The following POLA2 variants were observed in gnomAD, a reference collection of about 807,000 sequenced individuals.
POLA2 encodes the protein DNA polymerase alpha 2, accessory subunit, also known as DNA polymerase alpha subunit B.
POLA2 carries 47 observed loss-of-function variants against 82.8 expected under a neutral mutation model. The observed-to-expected ratio is 0.57, with a 90% CI of 0.45 to 0.72. The LOEUF is 0.72. Among genes scored for constraint, POLA2 ranks in the 30% least tolerant of loss-of-function variants. POLA2 has a pLI of 0.00. For missense variants in POLA2, 634 were observed against 728.1 expected (o/e 0.87, Z 1.49); for synonymous variants, 287 against 286.8 (o/e 1.00, Z -0.01).
Position 65,297,161 on chromosome 11 carries a change from C to T in POLA2, c.1689C>T (p.Thr563=), listed in dbSNP as rs200403723. The T allele has an allele frequency of 6.8e-6, 11 of 1,614,082 alleles. No homozygotes were observed. The highest frequency in any genetic ancestry group is 9.3e-6 in the Non-Finnish European group (11 of 1,180,000). The change falls in exon 18 of 18, where the codon ACC becomes ACT. Residue 563 remains threonine (T), a synonymous_variant. Transcript: ENST00000265465. ...GCVCVNPGRL[T]KGQVGGTFAR... ...TCTGTGTGAACCCTGGGCGCCTTAC[C>T]AAAGGGCAGGTGGGAGGCACCTTCG...
In POLA2 at chr11:65,275,070, T is replaced by C. The variant is rs567379254; in HGVS notation, c.355-822T>C. Among the ~76,000 whole-genome samples, 11 of 152,368 alleles carry C rather than the reference T, an allele frequency of 7.2e-5. No individual in the cohort carries two copies. The South Asian group carries it at 2.1e-3, about 29-fold the overall frequency. ...AGGGTAGTAGAATAAGGGATTTTTT[T>C]TTTAATCTATTTTCCATTGCAGCTG... On this transcript the variant is annotated intron_variant, in intron 4 of 17. Coordinates refer to ENST00000265465, the MANE Select transcript of POLA2 (RefSeq NM_002689.4).
At chr11:65,273,323 AAAC>A (rs553077637) in intron 4 of POLA2, among the ~76,000 whole-genome samples, 62 of 152,192 alleles carry the variant, frequency 4.1e-4, no homozygotes, top group Non-Finnish European at 7.1e-4. Flanking sequence ...CAAAAAACAA[AAAC>A]AACAACAACA....
At chr11:65,263,220 CTTTTTTTTTT>C (rs547474910) in intron 1 of POLA2, among the ~76,000 whole-genome samples, 1 of 123,198 alleles carries the variant, frequency 8.1e-6, no homozygotes, top group East Asian at 2.2e-4. Context: ...CTCTCTCTCT[CTTTTTTTTTT>C]TTTTTTTTTT....
At chr11:65,271,505 T>C (rs1466631394) in intron 4 of POLA2, among the ~76,000 whole-genome samples, 1 of 152,206 alleles carries the variant, frequency 6.6e-6, no homozygotes, top group African/African-American at 2.4e-5. Flanking sequence ...TGAAATCCCA[T>C]ATTTAGGATA....
intron 7 of POLA2, chr11:65,280,709 A>C (rs1949630718): frequency 4.9e-6 from 2 of 405,874 alleles, no homozygotes; most frequent in Middle Eastern, 6.8e-4. Context: ...AGGGTGGGGT[A>C]GGCATCCAGG....
intron 9 of POLA2, 113 bp from the exon 10 acceptor site, chr11:65,282,366 C>T (rs961264353): frequency 2.4e-6 from 2 of 826,356 alleles, no homozygotes; most frequent in Non-Finnish European, 4.2e-6. Flanking sequence ...CTCGCTCCTC[C>T]CCACTGTCCT....
intron 12 of POLA2, 98 bp from the exon 13 acceptor site, chr11:65,289,701 C>A: frequency 2.7e-6 from 2 of 733,418 alleles, no homozygotes; most frequent in Non-Finnish European, 4.8e-6. Context: ...CAGCTCCTAG[C>A]CCAACAGCTG....
At chr11:65,266,438 GTT>G (rs1949460845) in intron 1 of POLA2, 142 bp from the exon 2 acceptor site, 3 of 780,102 alleles carry the variant, frequency 3.8e-6, no homozygotes, top group Non-Finnish European at 6.2e-6. Flanking sequence ...GGATGCTTCT[GTT>G]TTCTCATTGC....
intron 4 of POLA2, among the ~76,000 whole-genome samples, chr11:65,275,615 A>C (rs911580291): frequency 2.0e-5 from 3 of 152,220 alleles, no homozygotes; most frequent in Non-Finnish European, 4.4e-5. Context: ...GAAGGATTTG[A>C]CAGGACACAT....
rs536138661 is a variant in POLA2, at chr11:65,282,181, A to T, written c.964-298A>T. 3.3e-5 allele frequency among the ~76,000 whole-genome samples: 5 copies of T among 152,294 alleles called. No homozygotes were observed. In the South Asian group the frequency reaches 1.0e-3, roughly 32 times the overall value. ...ACCATTCTCTCCCATCCTTGCCTAG[A>T]AGTACACTGATACTTTAGGCACCTG... is the stretch of plus-strand genomic sequence containing the variant. On this transcript the variant is annotated intron_variant, in intron 9 of 17. Transcript: ENST00000265465.
rs748122564 is a variant in POLA2 at position 65,278,762 on chromosome 11, G to A, written c.494G>A (p.Ser165Asn). Residue 165 changes from serine to asparagine, a missense_variant, in exon 6 of 18, where the codon AGT (serine) becomes AAT (asparagine). Physicochemically the swap from Ser to Asn is conservative, Grantham distance 46. Transcript: ENST00000265465. Reference protein sequence around the residue: ...ATPSQKYNSRSNRGEVVTSFG... With the variant: ...ATPSQKYNSRNNRGEVVTSFG... ...CCCTCCCAGAAATACAACTCACGAA[G>A]TAACCGAGGAGAAGTGGTTACCTCC... The A allele has an allele frequency of 5.6e-6, 9 of 1,613,574 alleles. No individual in the cohort carries two copies. Among genetic ancestry groups the A allele is most frequent in the Non-Finnish European group, 7.6e-6 (9 of 1,179,938 alleles).
At chr11:65,292,279 G>C (rs867148317) in intron 13 of POLA2, among the ~76,000 whole-genome samples, 2 of 152,216 alleles carry the variant, frequency 1.3e-5, no homozygotes, top group Non-Finnish European at 2.9e-5. Context: ...CAGAGAAAGC[G>C]AGCAGAGCCC....
At chr11:65,274,366 C>T (rs1448523800) in intron 4 of POLA2, among the ~76,000 whole-genome samples, 3 of 147,052 alleles carry the variant, frequency 2.0e-5, no homozygotes, top group Non-Finnish European at 3.0e-5. Flanking sequence ...AGTGAAATTC[C>T]GTCTCGGAAA....
chr11:65,288,943 A>G (rs1590906694), intron 11 of POLA2, 107 bp from the exon 12 acceptor site: 1 of 1,044,162 alleles, frequency 9.6e-7, no homozygotes, highest in Non-Finnish European at 1.5e-6. Flanking sequence ...CCTTGGAGGG[A>G]CAGATGAGCC....
chr11:65,282,416 C>T (rs2137547032), intron 9 of POLA2, 63 bp from the exon 10 acceptor site: 2 of 1,437,010 alleles, frequency 1.4e-6, no homozygotes, highest in Non-Finnish European at 2.0e-6. Flanking sequence ...TGGTGCCCTC[C>T]CCTTTCCTTA....
chr11:65,281,265 G>A, intron 8 of POLA2, 118 bp downstream of exon 8: 2 of 1,061,042 alleles, frequency 1.9e-6, no homozygotes, highest in South Asian at 2.9e-5. Context: ...GGTGCAGCTG[G>A]AGCACATGCC....
rs941671994 is a variant in POLA2, at chr11:65,262,055, C to G, written c.-238C>G. On this transcript the variant is annotated 5_prime_UTR_variant, in exon 1 of 18. Transcript: ENST00000265465. Reference sequence around the variant, plus strand: ...CGTCCTCTCGAGATTTCTGCTCCCTCCATTCAGGGCGTTTGGGAGCCACCC... The same window carrying G: ...CGTCCTCTCGAGATTTCTGCTCCCTGCATTCAGGGCGTTTGGGAGCCACCC... 1.8e-6 allele frequency: 1 copy of G among 560,130 alleles called. No homozygotes were observed. Among genetic ancestry groups the G allele is most frequent in the Non-Finnish European group, 3.2e-6 (1 of 316,292 alleles). The allele number at this position is 560,130 out of a possible 1,614,324, so 34.7% of individuals were successfully genotyped here. A position where few individuals can be genotyped will look rare whatever the true frequency, so the allele number is the denominator to read the frequency against.
At chr11:65,305,475 G>A in exon 9 of POLA2, 1 of 442,460 alleles carries the variant, frequency 2.3e-6, no homozygotes, top group South Asian at 1.6e-5. Flanking sequence ...CTGGTACCTG[G>A]CACAGTCTCC....
intron 7 of POLA2, 64 bp downstream of exon 7, chr11:65,279,690 C>A: frequency 9.0e-7 from 1 of 1,114,440 alleles, no homozygotes; most frequent in Non-Finnish European, 1.3e-6. Flanking sequence ...GACCAAGAGG[C>A]ATCCTTCTTG....
Sources: gnomAD v4.1 joint callset for allele counts (sites outside exome capture counted in the v4.1 genomes callset) on GRCh38, gnomAD v4.1.1 for gene constraint, MANE v1.5 for transcripts, NCBI Gene and HGNC (gene_info 2026-07-23, HGNC 2026-07-21) for gene names.